Variants in XPNPEP2 observed in about 807,000 individuals in gnomAD.
XPNPEP2 encodes the protein xaa-Pro aminopeptidase 2.
XPNPEP2 carries 64 observed loss-of-function variants against 59.8 expected under a neutral mutation model. The ratio of observed to expected loss-of-function variants is 1.07; its 90% CI spans 0.87 to 1.32. The LOEUF is 1.32. Ranked by LOEUF, XPNPEP2 falls within the 40% of genes most tolerant of loss-of-function variation. The pLI, the probability that XPNPEP2 is intolerant of heterozygous loss-of-function variation, is 0.00. For missense variants in XPNPEP2, 575 were observed against 546.8 expected (o/e 1.05, Z -0.51); for synonymous variants, 235 against 210.0 (o/e 1.12, Z -1.03).
At chrX:129,757,885 G>GAA (rs1926571830) in intron 14 of XPNPEP2, among the ~76,000 whole-genome samples, 1 of 81,936 alleles carries the variant, frequency 1.2e-5, no homozygotes, top group Admixed American at 1.6e-4. Flanking sequence ...GAGAGAGAGA[G>GAA]AGAGAGAGAG....
In XPNPEP2 at chrX:129,743,912, C is replaced by A. The variant is rs759877923; in HGVS notation, c.124-49C>A. ...CCCAGATGTCATTTTCTCTAAGCAACGTGTGTATCTGTTTGTTTGTGTCTC... is the reference window on the plus strand; with the variant it reads ...CCCAGATGTCATTTTCTCTAAGCAAAGTGTGTATCTGTTTGTTTGTGTCTC... On this transcript the variant is annotated intron_variant, in intron 2 of 20. Coordinates refer to ENST00000371106, the MANE Select transcript of XPNPEP2 (RefSeq NM_003399.6). 2.5e-5 allele frequency: 28 copies of A among 1,107,231 alleles called. No homozygotes were observed. The South Asian group carries it at 5.0e-4, about 20-fold the overall frequency. The allele number at this position is 1,107,231 out of a possible 1,213,427, so 91.2% of individuals were successfully genotyped here. A position where few individuals can be genotyped will look rare whatever the true frequency, so the allele number is the denominator to read the frequency against.
At position 129,754,571 on chromosome X, in the gene XPNPEP2, A is replaced by G; in HGVS notation, c.1207A>G (p.Lys403Glu). ...DEFSGAEIVD[K>E]FRGEEQFSSG... The stretch of plus-strand genomic sequence containing the variant: ...GTTCTCGGGGGCAGAGATCGTGGAC[A>G]AGTTCCGAGGGTGAAGAGCCACGGC... The change falls in exon 12 of 21, where the codon AAG becomes GAG. Residue 403 changes from lysine (K) to glutamate (E), a missense_variant. Physicochemically the swap from Lys to Glu is moderately conservative, Grantham distance 56. Coordinates refer to ENST00000371106, the MANE Select transcript of XPNPEP2 (RefSeq NM_003399.6). 1 of 1,184,001 alleles carries G rather than the reference A, an allele frequency of 8.4e-7. No homozygotes were observed. The highest frequency in any genetic ancestry group is 1.1e-6 in the Non-Finnish European group (1 of 881,883).
intron 4 of XPNPEP2, 117 bp downstream of exon 4, chrX:129,745,383 C>A (rs1320071454): frequency 4.9e-6 from 4 of 815,415 alleles, no homozygotes; most frequent in Non-Finnish European, 7.1e-6. Flanking sequence ...GTAGAGAAAA[C>A]CCTTCTACTC....
intron 14 of XPNPEP2, among the ~76,000 whole-genome samples, chrX:129,757,905 A>G (rs193019183): frequency 0.013 from 419 of 32,624 alleles, 3 homozygotes; most frequent in African/African-American, 0.025. Context: ...GAAAGAAAGA[A>G]AGAAAGAAAG....
At chrX:129,767,463 C>A in intron 19 of XPNPEP2, 140 bp from the exon 20 acceptor site, 1 of 550,521 alleles carries the variant, frequency 1.8e-6, no homozygotes, top group Non-Finnish European at 3.0e-6. Flanking sequence ...CTAGAAGGCT[C>A]AGGCCTAGCC....
rs368686092 is a variant in XPNPEP2, at chrX:129,754,582, G to A, written c.1217+1G>A. ...CAGAGATCGTGGACAAGTTCCGAGG[G>A]TGAAGAGCCACGGCCGTCCTTTTTG... is the stretch of plus-strand genomic sequence containing the variant. On this transcript the variant is annotated splice_donor_variant, in intron 12 of 20. Transcript: ENST00000371106. LOFTEE classifies it high-confidence loss of function. 7 of 1,176,486 alleles carry A rather than the reference G, an allele frequency of 5.9e-6. No homozygotes were observed. In the South Asian group the frequency reaches 1.3e-4, roughly 22 times the overall value.
chrX:129,765,632 TTTC>T (rs1280113213), intron 19 of XPNPEP2, among the ~76,000 whole-genome samples: 4 of 93,385 alleles, frequency 4.3e-5, no homozygotes, highest in African/African-American at 1.7e-4. Context: ...TCTTTCTTTC[TTTC>T]TTTTTTTTTT....
At chrX:129,762,803 G>T (rs1926682825) in intron 19 of XPNPEP2, 33 bp downstream of exon 19, 2 of 1,167,269 alleles carry the variant, frequency 1.7e-6, no homozygotes, top group Non-Finnish European at 2.3e-6. Context: ...TGGAGGTGTG[G>T]GCAGCATGTC....
chrX:129,765,605 A>ACTTGTATT (rs1338072831), intron 19 of XPNPEP2, among the ~76,000 whole-genome samples: 1 of 95,317 alleles, frequency 1.0e-5, no homozygotes, highest in Non-Finnish European at 2.1e-5. Flanking sequence ...TGTTGTTTTG[A>ACTTGTATT]CTTGTATTTC....
At chrX:129,746,706 A>G in intron 6 of XPNPEP2, 25 bp downstream of exon 6, 1 of 1,182,386 alleles carries the variant, frequency 8.5e-7, no homozygotes, top group Non-Finnish European at 1.2e-6. Context: ...CAGTCCCTGA[A>G]TTTGTCCATG....
intron 2 of XPNPEP2, among the ~76,000 whole-genome samples, chrX:129,743,304 G>T (rs1569475592): frequency 1.8e-5 from 2 of 112,017 alleles, no homozygotes; most frequent in Non-Finnish European, 3.8e-5. Flanking sequence ...GTCTGGAAAG[G>T]GTCTTTCTGG....
At chrX:129,757,121 T>G (rs1926540443) in intron 14 of XPNPEP2, among the ~76,000 whole-genome samples, 1 of 103,616 alleles carries the variant, frequency 9.7e-6, no homozygotes, top group Non-Finnish European at 2.0e-5. Flanking sequence ...TTAGTAGAGA[T>G]GGAGTTTCAC....
chrX:129,749,317 C>T (rs1329245970), intron 7 of XPNPEP2, among the ~76,000 whole-genome samples: 1 of 111,849 alleles, frequency 8.9e-6, no homozygotes, highest in Admixed American at 9.5e-5. Flanking sequence ...AGAATTAGAT[C>T]GTGGCGATGG....
In XPNPEP2 at chrX:129,752,938, C is replaced by G. The variant is rs771029059; in HGVS notation, c.1018-221C>G. ...AGCAAGGCAGTGTCAATCAAGGAAG[C>G]CTTCCTGGAAGGAGAGAGGGTTCAG... On this transcript the variant is annotated intron_variant, in intron 10 of 20. Coordinates refer to ENST00000371106, the MANE Select transcript of XPNPEP2 (RefSeq NM_003399.6). Among the ~76,000 whole-genome samples the G allele has an allele frequency of 8.9e-5, 10 of 112,390 alleles. No individual in the cohort carries two copies. In the East Asian group the frequency reaches 2.2e-3, roughly 25 times the overall value.
At chrX:129,764,926 T>C (rs1926720890) in intron 19 of XPNPEP2, among the ~76,000 whole-genome samples, 1 of 110,683 alleles carries the variant, frequency 9.0e-6, no homozygotes, top group African/African-American at 3.3e-5. Flanking sequence ...ATCACACCAC[T>C]GCACTCCAGC....
intron 11 of XPNPEP2, 131 bp downstream of exon 11, chrX:129,753,379 A>C: frequency 4.9e-5 from 30 of 606,336 alleles, no homozygotes; most frequent in Non-Finnish European, 7.4e-5. Flanking sequence ...GCGGTGGCTC[A>C]CGCCTGTAAT....
At chrX:129,750,036 C>G (rs866246648) in intron 7 of XPNPEP2, among the ~76,000 whole-genome samples, 1 of 112,960 alleles carries the variant, frequency 8.9e-6, no homozygotes, top group African/African-American at 3.2e-5. Flanking sequence ...TGTCCTTCAA[C>G]TAGGACTGCT....
chrX:129,742,532 G>A (rs1320309800), intron 2 of XPNPEP2, among the ~76,000 whole-genome samples: 1 of 110,241 alleles, frequency 9.1e-6, no homozygotes, highest in African/African-American at 3.3e-5. Context: ...CCAGGCAGAG[G>A]AAAGAAAAGA....
Position 129,768,283 on chromosome X carries a change from C to A in XPNPEP2, c.1831-8C>A, listed in dbSNP as rs893255822. ...TAGAGAGGCTGTCACCCCTTCTATC[C>A]TTCGCAGCTCCAGTACCTGAATCGC... On this transcript the variant is annotated splice_region_variant and splice_polypyrimidine_tract_variant and intron_variant, in intron 20 of 20. Transcript: ENST00000371106. 6.1e-6 allele frequency: 7 copies of A among 1,150,892 alleles called. No individual in the cohort carries two copies. The highest frequency in any genetic ancestry group is 3.7e-5 in the African/African-American group (2 of 54,787). The allele number at this position is 1,150,892 out of a possible 1,213,427, so 94.8% of individuals were successfully genotyped here.
Sources: gnomAD v4.1 joint callset for allele counts (sites outside exome capture counted in the v4.1 genomes callset) on GRCh38, gnomAD v4.1.1 for gene constraint, MANE v1.5 for transcripts, NCBI Gene and HGNC (gene_info 2026-07-23, HGNC 2026-07-21) for gene names.